Variants in AKAP13 observed in about 807,000 individuals in gnomAD.
The protein encoded by AKAP13 is A-kinase anchoring protein 13.
AKAP13 carries 80 observed loss-of-function variants against 264.5 expected under a neutral mutation model. The ratio of observed to expected loss-of-function variants is 0.30; its 90% CI spans 0.25 to 0.36. The LOEUF is 0.36. Ranked by LOEUF, AKAP13 falls within the 10% of genes least tolerant of loss-of-function variation. The pLI is 1.00. For synonymous variants in AKAP13, 1,380 were observed against 1,250.2 expected, an observed-to-expected ratio of 1.10 and a Z score of -2.19; for missense variants, 3,712 against 3,435.2, an observed-to-expected ratio of 1.08 and a Z score of -2.01.
rs765204845 is a variant in AKAP13, at chr15:85,580,441, A to C, written c.2373A>C (p.Pro791=). 3.1e-6 allele frequency: 5 copies of C among 1,614,260 alleles called. No homozygotes were observed. The East Asian group carries it at 1.1e-4, about 36-fold the overall frequency. The change falls in exon 7 of 37, where the codon CCA becomes CCC. Residue 791 remains proline, a synonymous_variant. Transcript: ENST00000394518. ...GTACTTTCTCTCTGGCAAACAGTCCAGGCAGTGAATCAGTAACCAAGGATG... is the reference window on the plus strand; with the variant it reads ...GTACTTTCTCTCTGGCAAACAGTCCCGGCAGTGAATCAGTAACCAAGGATG... ...SDSTFSLANS[P]GSESVTKDDA...
intron 4 of AKAP13, 114 bp downstream of exon 4, chr15:85,533,994 T>A: frequency 8.6e-7 from 1 of 1,167,146 alleles, no homozygotes; most frequent in Non-Finnish European, 1.2e-6. Context: ...AGAGGCTGCG[T>A]AAATCTTAGA....
At chr15:85,429,405 G>A (rs891422421) in intron 1 of AKAP13, among the ~76,000 whole-genome samples, 7 of 152,148 alleles carry the variant, frequency 4.6e-5, no homozygotes, top group Non-Finnish European at 8.8e-5. Flanking sequence ...CAAGGGAAGC[G>A]ATTCCCTAAA....
chr15:85,416,846 A>C (rs925538417), intron 1 of AKAP13, among the ~76,000 whole-genome samples: 2 of 152,158 alleles, frequency 1.3e-5, no homozygotes, highest in African/African-American at 2.4e-5. Context: ...AAAGGTAGCA[A>C]ATTTTGGAGG....
At chr15:85,398,490 C>T (rs77923550) in intron 1 of AKAP13, among the ~76,000 whole-genome samples, 2,124 of 152,170 alleles carry the variant, frequency 0.014, 58 homozygotes, top group African/African-American at 0.048. Context: ...CCATATGTGG[C>T]GTATTTTATG....
At chr15:85,433,225 T>A (rs567279513) in intron 1 of AKAP13, among the ~76,000 whole-genome samples, 3 of 150,496 alleles carry the variant, frequency 2.0e-5, no homozygotes, top group African/African-American at 7.3e-5. Context: ...GACAGCAACG[T>A]CCCCCCTCCA....
chr15:85,660,745 A>G (rs183134736), intron 12 of AKAP13, among the ~76,000 whole-genome samples: 1 of 152,208 alleles, frequency 6.6e-6, no homozygotes, highest in Non-Finnish European at 1.5e-5. Context: ...AGACCAGCGA[A>G]GTGTCTCCAC....
At chr15:85,655,989 C>G (rs1596928467) in intron 11 of AKAP13, among the ~76,000 whole-genome samples, 1 of 152,074 alleles carries the variant, frequency 6.6e-6, no homozygotes, top group African/African-American at 2.4e-5. Flanking sequence ...GTCACCTGAC[C>G]CCTCTAAGCT....
intron 10 of AKAP13, among the ~76,000 whole-genome samples, chr15:85,655,213 T>C (rs1356429464): frequency 6.6e-6 from 1 of 151,944 alleles, no homozygotes; most frequent in Non-Finnish European, 1.5e-5. Context: ...AAAAAGAGGA[T>C]AGATCTAGAC....
chr15:85,468,344 T>C (rs930621485), intron 1 of AKAP13, among the ~76,000 whole-genome samples: 7 of 152,344 alleles, frequency 4.6e-5, no homozygotes, highest in African/African-American at 9.6e-5. Context: ...CACTGTGTTA[T>C]GACTTTTCGT....
At chr15:85,717,200 C>G (rs1450262077) in intron 20 of AKAP13, 90 bp from the exon 21 acceptor site, 2 of 775,322 alleles carry the variant, frequency 2.6e-6, no homozygotes, top group African/African-American at 3.6e-5. Context: ...AGCCAGTTGT[C>G]ATTCTAGAGT....
intron 1 of AKAP13, among the ~76,000 whole-genome samples, chr15:85,420,240 CTT>C (rs539192886): frequency 2.0e-5 from 3 of 146,426 alleles, no homozygotes; most frequent in African/African-American, 5.0e-5. Flanking sequence ...CGCGCCCGGC[CTT>C]TTTTTTTTTA....
chr15:85,525,549 A>T (rs2077006304), intron 3 of AKAP13, among the ~76,000 whole-genome samples: 1 of 152,250 alleles, frequency 6.6e-6, no homozygotes, highest in Non-Finnish European at 1.5e-5. Flanking sequence ...GAAAGTGGCT[A>T]GTTCAAGAAT....
At chr15:85,705,594 G>C (rs909245586) in intron 17 of AKAP13, among the ~76,000 whole-genome samples, 3 of 139,512 alleles carry the variant, frequency 2.2e-5, no homozygotes, top group Non-Finnish European at 4.7e-5. Context: ...AACGACATTA[G>C]AGTGTGATGA....
At chr15:85,729,884 C>T (rs2087872610) in intron 29 of AKAP13, among the ~76,000 whole-genome samples, 1 of 151,880 alleles carries the variant, frequency 6.6e-6, no homozygotes, top group African/African-American at 2.4e-5. Flanking sequence ...GTGGAGGTTA[C>T]GGTGAGCCAA....
intron 17 of AKAP13, among the ~76,000 whole-genome samples, chr15:85,701,448 T>C (rs2085906189): frequency 6.6e-6 from 1 of 152,132 alleles, no homozygotes; most frequent in Non-Finnish European, 1.5e-5. Flanking sequence ...TTTTTGTTTT[T>C]TGTTTGTTTG....
rs1567136663 is a variant in AKAP13, at chr15:85,579,903, G to A, written c.1835G>A (p.Gly612Asp). 5 of 1,614,206 alleles carry A rather than the reference G, an allele frequency of 3.1e-6. No homozygotes were observed. Among genetic ancestry groups the A allele is most frequent in the East Asian group, 4.5e-5 (2 of 44,890 alleles). The change falls in exon 7 of 37, where the codon GGT becomes GAT. Residue 612 changes from glycine to aspartate, a missense_variant. By Grantham distance (94) the Gly-to-Asp change is moderately conservative. Around this residue, in one of 3 missense-constraint regions of AKAP13, gnomAD observed 2,759 missense variants for 2,411.7 expected, o/e 1.14. Coordinates refer to ENST00000394518, the MANE Select transcript of AKAP13 (RefSeq NM_007200.5). ...EPYTLLAAGI[G>D]EAMSPSDLAL... ...TATACTCTCTTAGCAGCAGGCATAG[G>A]TGAGGCAATGTCACCCTCAGATTTA...
chr15:85,530,758 C>T (rs879639960), intron 3 of AKAP13, among the ~76,000 whole-genome samples: 5 of 152,222 alleles, frequency 3.3e-5, no homozygotes, highest in South Asian at 4.1e-4. Context: ...GACTGACATA[C>T]GTATCACTCC....
intron 8 of AKAP13, chr15:85,620,001 G>T: frequency 6.6e-7 from 1 of 1,512,772 alleles, no homozygotes; most frequent in Non-Finnish European, 8.8e-7. Flanking sequence ...CTAACCGTGA[G>T]AAATTTGGAA....
chr15:85,708,018 G>C lies in AKAP13; in HGVS notation c.5465-1G>C, dbSNP rs766928011. The C allele has an allele frequency of 6.2e-7, 1 of 1,613,788 alleles. No individual in the cohort carries two copies. Among genetic ancestry groups the C allele is most frequent in the Admixed American group, 1.7e-5 (1 of 60,016 alleles). Reference sequence around the variant, plus strand: ...TGACCTTGGGTTTGCTTTCTTTTCAGATTGCAGTGCTTTTGTCCACAAAGG... The same window carrying C: ...TGACCTTGGGTTTGCTTTCTTTTCACATTGCAGTGCTTTTGTCCACAAAGG... On this transcript the variant is annotated splice_acceptor_variant, in intron 17 of 36. Coordinates refer to ENST00000394518, the MANE Select transcript of AKAP13 (RefSeq NM_007200.5). LOFTEE classifies it high-confidence loss of function. The surrounding 1 kb of genome is among the most constrained non-coding windows in gnomAD (Gnocchi z 4.3).
Sources: allele counts gnomAD v4.1 joint callset (sites outside exome capture counted in the v4.1 genomes callset), GRCh38; gene constraint gnomAD v4.1.1; regional missense constraint gnomAD v4.1.1; non-coding constraint Gnocchi (gnomAD v3.1); transcripts MANE v1.5; gene names NCBI Gene and HGNC (gene_info 2026-07-23, HGNC 2026-07-21).